Variants in SGMS2 observed in about 807,000 individuals in gnomAD.
SGMS2 encodes phosphatidylcholine:ceramide cholinephosphotransferase 2.
SGMS2 carries 21 observed loss-of-function variants against 43.8 expected under a neutral mutation model. That is an observed-to-expected ratio of 0.48 (90% CI 0.34 to 0.69). The LOEUF is 0.69. Ranked by LOEUF, SGMS2 falls within the 30% of genes least tolerant of loss-of-function variation. SGMS2 has a pLI of 0.01. For synonymous variants in SGMS2, 167 were observed against 160.6 expected, an observed-to-expected ratio of 1.04 and a Z score of -0.30; for missense variants, 384 against 443.2, an observed-to-expected ratio of 0.87 and a Z score of 1.20.
At chr4:107,831,776 T>C (rs1367699707) in intron 1 of SGMS2, among the ~76,000 whole-genome samples, 1 of 152,186 alleles carries the variant, frequency 6.6e-6, no homozygotes, top group Non-Finnish European at 1.5e-5. Flanking sequence ...AATAAAATGA[T>C]TGAAGTTGGT....
In SGMS2 at chr4:107,910,377, T is replaced by C; in HGVS notation, c.922T>C (p.Phe308Leu). The change falls in exon 7 of 7, where the codon TTC (phenylalanine) becomes CTC (leucine). Residue 308 changes from phenylalanine (F) to leucine (L), a missense_variant. Coordinates refer to ENST00000690982, the MANE Select transcript of SGMS2 (RefSeq NM_001375905.1). ...KNLKVSSQTN[F>L]LSRAWWFPIF... Reference sequence around the variant, plus strand: ...CTTGAAGGTCTCTTCACAGACTAATTTCTTATCTCGAGCATGGTGGTTCCC... The same window carrying C: ...CTTGAAGGTCTCTTCACAGACTAATCTCTTATCTCGAGCATGGTGGTTCCC... 1.2e-6 allele frequency: 2 copies of C among 1,614,118 alleles called. No homozygotes were observed. Among genetic ancestry groups the C allele is most frequent in the Non-Finnish European group, 1.7e-6 (2 of 1,179,984 alleles).
intron 2 of SGMS2, chr4:107,864,453 G>C (rs571346854): frequency 6.6e-6 from 1 of 152,186 alleles, no homozygotes; most frequent in Non-Finnish European, 1.5e-5. Context: ...TGGCCTGAAA[G>C]TCAAAAGGAT....
chr4:107,870,202 A>G (rs1320613238), intron 2 of SGMS2, among the ~76,000 whole-genome samples: 2 of 152,190 alleles, frequency 1.3e-5, no homozygotes, highest in Non-Finnish European at 2.9e-5. Flanking sequence ...GGATCCATTT[A>G]AAAATTGTTG....
rs375456707 is a variant in SGMS2, at chr4:107,909,650, G to A, written c.895-700G>A. Reference sequence around the variant, plus strand: ...AACTCTTGCTCTCTTCCTCTGGTCCGAAGGCAGAATTATTCCTCCCAGTCT... The same window carrying A: ...AACTCTTGCTCTCTTCCTCTGGTCCAAAGGCAGAATTATTCCTCCCAGTCT... On this transcript the variant is annotated intron_variant, in intron 6 of 6. Transcript: ENST00000690982. Among the ~76,000 whole-genome samples the A allele has an allele frequency of 4.7e-4, 71 of 152,190 alleles. No homozygotes were observed. In the East Asian group the frequency reaches 7.0e-3, roughly 15 times the overall value.
At chr4:107,874,883 G>A (rs888678903) in intron 2 of SGMS2, among the ~76,000 whole-genome samples, 6 of 152,022 alleles carry the variant, frequency 3.9e-5, no homozygotes, top group South Asian at 2.1e-4. Context: ...AGATATCTGC[G>A]TCCCTCTTCC....
intron 5 of SGMS2, among the ~76,000 whole-genome samples, chr4:107,907,674 C>G (rs1731700103): frequency 6.6e-6 from 1 of 152,176 alleles, no homozygotes; most frequent in South Asian, 2.1e-4. Context: ...AATCATCTTT[C>G]TACATGTGAA....
At chr4:107,859,263 G>GT (rs376640926) in intron 2 of SGMS2, among the ~76,000 whole-genome samples, 33 of 150,484 alleles carry the variant, frequency 2.2e-4, no homozygotes, top group Non-Finnish European at 2.2e-4. Context: ...TAGCTGTTTT[G>GT]TTTTTTTTTA....
intron 2 of SGMS2, among the ~76,000 whole-genome samples, chr4:107,864,927 A>G (rs1728003112): frequency 6.6e-6 from 1 of 152,182 alleles, no homozygotes; most frequent in Non-Finnish European, 1.5e-5. Flanking sequence ...TAAAGAGCCC[A>G]GAGGTTTTTC....
chr4:107,881,294 A>G lies in SGMS2; in HGVS notation c.-244-14016A>G, dbSNP rs181050476. 5.3e-5 allele frequency among the ~76,000 whole-genome samples: 8 copies of G among 152,194 alleles called. No individual in the cohort carries two copies. In the East Asian group the frequency reaches 1.5e-3, roughly 29 times the overall value. On this transcript the variant is annotated intron_variant, in intron 2 of 6. Transcript: ENST00000690982. ...AAAGTTCATAATTGATTGTCTCTTA[A>G]TCTTTTTCAGTGATGCTATTGTTGA...
chr4:107,868,094 G>C (rs899514458), intron 2 of SGMS2, among the ~76,000 whole-genome samples: 1 of 152,092 alleles, frequency 6.6e-6, no homozygotes, highest in Non-Finnish European at 1.5e-5. Flanking sequence ...ATTGTTTAAA[G>C]TGTATATTTG....
intron 2 of SGMS2, among the ~76,000 whole-genome samples, chr4:107,894,778 C>T (rs1438443873): frequency 6.6e-6 from 1 of 152,178 alleles, no homozygotes; most frequent in African/African-American, 2.4e-5. Context: ...GTTCTTGAAT[C>T]TGTTCTTAAA....
intron 2 of SGMS2, among the ~76,000 whole-genome samples, chr4:107,884,737 G>C (rs929729275): frequency 6.6e-6 from 1 of 152,100 alleles, no homozygotes; most frequent in African/African-American, 2.4e-5. Flanking sequence ...ACTTTGAGTT[G>C]TCCCACCTTT....
At chr4:107,881,355 T>C (rs1427133527) in intron 2 of SGMS2, among the ~76,000 whole-genome samples, 1 of 152,174 alleles carries the variant, frequency 6.6e-6, no homozygotes, top group Non-Finnish European at 1.5e-5. Flanking sequence ...GGCAGTGGTA[T>C]ACCATTTAGG....
At position 107,913,482 on chromosome 4, in the gene SGMS2, C is replaced by T. The variant is rs1472743535; in HGVS notation, c.*2929C>T. ...GCATTAGGGTTATTTCCTGTATTACCAGTGCCCCCTTGTGGCAATATACTT... is the reference window on the plus strand; with the variant it reads ...GCATTAGGGTTATTTCCTGTATTACTAGTGCCCCCTTGTGGCAATATACTT... On this transcript the variant is annotated 3_prime_UTR_variant, in exon 7 of 7. Coordinates refer to ENST00000690982, the MANE Select transcript of SGMS2 (RefSeq NM_001375905.1). 1.3e-5 allele frequency: 2 copies of T among 152,088 alleles called. No individual in the cohort carries two copies. Among genetic ancestry groups the T allele is most frequent in the East Asian group, 1.9e-4 (1 of 5,196 alleles). The allele number at this position is 152,088 out of a possible 1,614,324, so 9.4% of individuals were successfully genotyped here.
At chr4:107,881,339 A>G (rs1380483484) in intron 2 of SGMS2, among the ~76,000 whole-genome samples, 5 of 152,294 alleles carry the variant, frequency 3.3e-5, no homozygotes, top group African/African-American at 1.2e-4. Flanking sequence ...ATGGAATGGT[A>G]CTAGAGGCAG....
chr4:107,863,753 TATA>T (rs776131387), intron 2 of SGMS2: 1 of 152,162 alleles, frequency 6.6e-6, no homozygotes, highest in Non-Finnish European at 1.5e-5. Context: ...TTATATAAGA[TATA>T]ATAAAAATGC....
intron 1 of SGMS2, among the ~76,000 whole-genome samples, chr4:107,843,143 CTT>C (rs1726617086): frequency 6.6e-6 from 1 of 150,612 alleles, no homozygotes; most frequent in Non-Finnish European, 1.5e-5. Flanking sequence ...GTGAAACAAT[CTT>C]AGGGTTGGGT....
intron 1 of SGMS2, among the ~76,000 whole-genome samples, chr4:107,847,252 A>ATC (rs1382681652): frequency 6.6e-6 from 1 of 152,184 alleles, no homozygotes; most frequent in Non-Finnish European, 1.5e-5. Flanking sequence ...TTTAGGTCTA[A>ATC]CATTTAAGTC....
At chr4:107,853,338 A>G (rs1727256943) in intron 1 of SGMS2, among the ~76,000 whole-genome samples, 3 of 152,306 alleles carry the variant, frequency 2.0e-5, no homozygotes, top group African/African-American at 7.2e-5. Flanking sequence ...GCCTTTCAAT[A>G]TATTTTAAAT....
Sources: allele counts gnomAD v4.1 joint callset (sites outside exome capture counted in the v4.1 genomes callset), GRCh38; gene constraint gnomAD v4.1.1; transcripts MANE v1.5; gene names NCBI Gene and HGNC (gene_info 2026-07-23, HGNC 2026-07-21).